Variants in TBCE observed in about 807,000 individuals in gnomAD.
The protein encoded by TBCE is tubulin-specific chaperone E.
TBCE carries 53 observed loss-of-function variants against 77.0 expected under a neutral mutation model. The ratio of observed to expected loss-of-function variants is 0.69; its 90% CI spans 0.55 to 0.87. TBCE has a LOEUF of 0.87. Among genes scored for constraint, TBCE ranks in the 40% least tolerant of loss-of-function variants. The probability of loss-of-function intolerance (pLI) is 0.00; values close to 1 mark genes in which losing one functional copy is unlikely to be tolerated. For missense variants in TBCE, 624 were observed against 622.4 expected, an observed-to-expected ratio of 1.00 and a Z score of -0.03; for synonymous variants, 235 against 241.3, an observed-to-expected ratio of 0.97 and a Z score of 0.24.
At chr1:235,428,531 C>T (rs887195966) in intron 6 of TBCE, among the ~76,000 whole-genome samples, 3 of 152,088 alleles carry the variant, frequency 2.0e-5, no homozygotes, top group Admixed American at 1.3e-4. Flanking sequence ...CCCCAGACAA[C>T]GCAGCTGCTT....
chr1:235,401,463 T>TCATC (rs1558362141), intron 2 of TBCE, 40 bp from the exon 3 acceptor site: 88 of 1,556,380 alleles, frequency 5.7e-5, no homozygotes, highest in Non-Finnish European at 7.5e-5. Flanking sequence ...ATTGCCTGTA[T>TCATC]CATCATCTGT....
chr1:235,436,277 G>T, intron 9 of TBCE, 109 bp from the exon 10 acceptor site: 1 of 940,410 alleles, frequency 1.1e-6, no homozygotes, highest in East Asian at 2.5e-5. Context: ...ATTTTACATG[G>T]GATTAAAAAC....
chr1:235,433,739 TA>T lies in TBCE; in HGVS notation c.661-458del, dbSNP rs749015107. 8.2e-5 allele frequency: 13 copies of T among 158,358 alleles called. No individual in the cohort carries two copies. In the East Asian group the frequency reaches 1.3e-3, roughly 16 times the overall value. The allele number at this position is 158,358 out of a possible 1,614,324, so 9.8% of individuals were successfully genotyped here. ...ATGAAAACTTTAAAAAATGTATAATTAAAAAAATAATGAAAGAAGAAATAAT... is the reference window on the plus strand; with the variant it reads ...ATGAAAACTTTAAAAAATGTATAATTAAAAAATAATGAAAGAAGAAATAAT... On this transcript the variant is annotated intron_variant, in intron 7 of 16. Coordinates refer to ENST00000642610, the MANE Select transcript of TBCE (RefSeq NM_003193.5).
At position 235,419,447 on chromosome 1, in the gene TBCE, C is replaced by G. The variant is rs758368401; in HGVS notation, c.372-26C>G. 31 of 1,613,760 alleles carry G rather than the reference C, an allele frequency of 1.9e-5. 1 individual carries two copies. In the Admixed American group the frequency reaches 5.2e-4, roughly 27 times the overall value. ...GTGGATAGCATACGTGCTTATGTAT[C>G]CATGTGAACTCTGTTTTTCATGCAG... On this transcript the variant is annotated intron_variant, in intron 4 of 16. Coordinates refer to ENST00000642610, the MANE Select transcript of TBCE (RefSeq NM_003193.5).
chr1:235,369,070 G>T (rs1676738294), intron 1 of TBCE, among the ~76,000 whole-genome samples: 3 of 151,848 alleles, frequency 2.0e-5, no homozygotes, highest in Admixed American at 2.0e-4. Context: ...ACGTTGTCTC[G>T]TACTTGAATT....
intron 2 of TBCE, among the ~76,000 whole-genome samples, chr1:235,385,750 A>C (rs1677961576): frequency 1.3e-5 from 2 of 152,054 alleles, no homozygotes; most frequent in African/African-American, 4.8e-5. Context: ...CAGCACACTG[A>C]TGGGTCTTGA....
intron 2 of TBCE, among the ~76,000 whole-genome samples, chr1:235,399,967 A>G (rs965421493): frequency 2.0e-5 from 3 of 152,208 alleles, no homozygotes; most frequent in Non-Finnish European, 4.4e-5. Flanking sequence ...GGAATAGTGT[A>G]GCAGAGGAAA....
chr1:235,385,634 T>C (rs1677953066), intron 2 of TBCE, among the ~76,000 whole-genome samples: 1 of 152,214 alleles, frequency 6.6e-6, no homozygotes, highest in African/African-American at 2.4e-5. Context: ...AGACTAGGAT[T>C]GCAACCCCTG....
intron 1 of TBCE, among the ~76,000 whole-genome samples, chr1:235,377,196 T>G (rs1677350746): frequency 6.6e-6 from 1 of 152,216 alleles, no homozygotes; most frequent in East Asian, 1.9e-4. Context: ...TTTTGTTTTT[T>G]GTGAGATGGA....
intron 13 of TBCE, among the ~76,000 whole-genome samples, chr1:235,439,883 C>T (rs1261946690): frequency 6.6e-6 from 1 of 151,962 alleles, no homozygotes; most frequent in Non-Finnish European, 1.5e-5. Flanking sequence ...CTCATTGCAA[C>T]CTCCACCTCC....
intron 2 of TBCE, among the ~76,000 whole-genome samples, chr1:235,395,166 C>T (rs989035330): frequency 5.9e-5 from 9 of 152,144 alleles, no homozygotes; most frequent in African/African-American, 2.2e-4. Flanking sequence ...AAATTTTCAA[C>T]TTATTTGGGT....
intron 1 of TBCE, among the ~76,000 whole-genome samples, chr1:235,371,072 T>TG (rs869263461): frequency 1.6e-5 from 2 of 121,674 alleles, no homozygotes; most frequent in Non-Finnish European, 3.2e-5. Flanking sequence ...TTTTTTTTTT[T>TG]GAGACAGAGT....
Position 235,441,893 on chromosome 1 carries a change from C to A in TBCE, c.1339+11C>A. Reference sequence around the variant, plus strand: ...AAAACCAGCTACTAAGTAAGAATCTCAGATTCAAATAGTTTATTTGTATTT... The same window carrying A: ...AAAACCAGCTACTAAGTAAGAATCTAAGATTCAAATAGTTTATTTGTATTT... On this transcript the variant is annotated intron_variant, in intron 14 of 16. Transcript: ENST00000642610. 6.2e-7 allele frequency: 1 copy of A among 1,612,564 alleles called. No homozygotes were observed. The highest frequency in any genetic ancestry group is 1.1e-5 in the South Asian group (1 of 91,006).
intron 15 of TBCE, 109 bp from the exon 16 acceptor site, chr1:235,448,240 A>T: frequency 2.5e-6 from 2 of 813,602 alleles, no homozygotes; most frequent in Non-Finnish European, 4.0e-6. Context: ...AAAAAAAAAA[A>T]GACAGATACA....
At chr1:235,393,429 T>G (rs1340753353) in intron 2 of TBCE, among the ~76,000 whole-genome samples, 1 of 151,854 alleles carries the variant, frequency 6.6e-6, no homozygotes, top group Non-Finnish European at 1.5e-5. Context: ...TCCCAGCTAC[T>G]TGGGAGGCTG....
intron 14 of TBCE, among the ~76,000 whole-genome samples, 157 bp downstream of exon 14, chr1:235,442,039 C>T (rs1381061585): frequency 6.6e-6 from 1 of 150,722 alleles, no homozygotes; most frequent in Non-Finnish European, 1.5e-5. Flanking sequence ...ACAGAGTCTC[C>T]CTCTGTCTCC....
At chr1:235,397,158 A>G (rs1014097092) in intron 2 of TBCE, among the ~76,000 whole-genome samples, 7 of 148,314 alleles carry the variant, frequency 4.7e-5, no homozygotes, top group African/African-American at 1.7e-4. Flanking sequence ...TATTTTTAGT[A>G]GAGACGGGGT....
At chr1:235,448,086 G>A (rs1007877874) in intron 15 of TBCE, among the ~76,000 whole-genome samples, 1 of 152,094 alleles carries the variant, frequency 6.6e-6, no homozygotes, top group Non-Finnish European at 1.5e-5. Flanking sequence ...ATGGGCACCA[G>A]CTACTCAGGA....
Position 235,435,739 on chromosome 1 carries a change from A to G in TBCE, c.738-6A>G, listed in dbSNP as rs775170535. ...TCACGGTGAAAAAATTTTATTTTCC[A>G]TACAGGCCAACAGATGTTCTCCAGA... On this transcript the variant is annotated splice_region_variant and splice_polypyrimidine_tract_variant and intron_variant, in intron 8 of 16. Coordinates refer to ENST00000642610, the MANE Select transcript of TBCE (RefSeq NM_003193.5). 1.9e-6 allele frequency: 3 copies of G among 1,613,358 alleles called. No homozygotes were observed. Among genetic ancestry groups the G allele is most frequent in the Non-Finnish European group, 2.5e-6 (3 of 1,179,318 alleles).
Sources: gnomAD v4.1 joint callset for allele counts (sites outside exome capture counted in the v4.1 genomes callset) on GRCh38, gnomAD v4.1.1 for gene constraint, MANE v1.5 for transcripts, NCBI Gene and HGNC (gene_info 2026-07-23, HGNC 2026-07-21) for gene names.